The following SNX10 variants were observed in gnomAD, a reference collection of about 807,000 sequenced individuals.
The protein encoded by SNX10 is sorting nexin 10.
A neutral mutation model predicts 28.5 loss-of-function variants in SNX10; 25 were observed. The observed-to-expected ratio is 0.88, with a 90% CI of 0.64 to 1.22. SNX10 has a LOEUF of 1.22. SNX10 is among the 50% of genes most tolerant of loss of function. The probability of loss-of-function intolerance (pLI) is 0.00; values close to 1 mark genes in which losing one functional copy is unlikely to be tolerated. For missense variants in SNX10, 223 were observed against 242.6 expected (o/e 0.92, Z 0.54); for synonymous variants, 62 against 81.4 (o/e 0.76, Z 1.28).
chr7:26,320,494 C>T lies in SNX10; in HGVS notation c.-23-25926C>T, dbSNP rs1026590335. On this transcript the variant is annotated intron_variant, in intron 1 of 6. Transcript: ENST00000338523. ...TTGCCCGGGCTGGAGTGCAGTGGTG[C>T]GATCTCTGCTCACTGCAATCTCTGC... 2.0e-5 allele frequency among the ~76,000 whole-genome samples: 3 copies of T among 151,772 alleles called. No homozygotes were observed. In the East Asian group the frequency reaches 5.8e-4, roughly 29 times the overall value.
At chr7:26,339,066 C>G (rs975452845) in intron 1 of SNX10, among the ~76,000 whole-genome samples, 2 of 152,172 alleles carry the variant, frequency 1.3e-5, no homozygotes, top group Admixed American at 1.3e-4. Context: ...CAAAGGCAGA[C>G]TGGACCCCAG....
rs185762669 is a variant in SNX10 at position 26,337,807 on chromosome 7, C to T, written c.-23-8613C>T. On this transcript the variant is annotated intron_variant, in intron 1 of 6. Coordinates refer to ENST00000338523, the MANE Select transcript of SNX10 (RefSeq NM_013322.3). ...AAATAGCTCTTTGAGAGCCTGCTTT[C>T]AGCTCTTTTGGATGGATATCTGGAA... Among the ~76,000 whole-genome samples the T allele has an allele frequency of 2.2e-3, 333 of 152,322 alleles. 2 individuals are homozygous for T. Among genetic ancestry groups the T allele is most frequent in the African/African-American group, 7.8e-3 (324 of 41,566 alleles).
intron 1 of SNX10, among the ~76,000 whole-genome samples, chr7:26,336,564 G>A (rs1014890403): frequency 6.6e-6 from 1 of 152,034 alleles, no homozygotes; most frequent in African/African-American, 2.4e-5. Context: ...AAATTAGCCG[G>A]GCTTGGTGTG....
chr7:26,331,659 T>C (rs6461929), intron 1 of SNX10, among the ~76,000 whole-genome samples: 45,538 of 152,124 alleles, frequency 0.3, 8,022 homozygotes, highest in South Asian at 0.47. Context: ...TTCACAGATA[T>C]GTGCACTTAT....
At chr7:26,352,447 C>G (rs1011412848) in intron 2 of SNX10, among the ~76,000 whole-genome samples, 29 of 152,104 alleles carry the variant, frequency 1.9e-4, no homozygotes, top group African/African-American at 6.3e-4. Flanking sequence ...CAAAAAAATA[C>G]GCAAGGTAGA....
rs755285910 is a variant in SNX10 at position 26,365,026 on chromosome 7, T to C, written c.213-21T>C. The C allele has an allele frequency of 2.7e-6, 4 of 1,484,894 alleles. No homozygotes were observed. In the African/African-American group the frequency reaches 5.5e-5, roughly 21 times the overall value. The allele number at this position is 1,484,894 out of a possible 1,614,324, so 92.0% of individuals were successfully genotyped here. Reference sequence around the variant, plus strand: ...ACCTTGAGTTAATCATTTAAAAACATTGTTTTTTCTTTCTCCTAAGACAAC... The same window carrying C: ...ACCTTGAGTTAATCATTTAAAAACACTGTTTTTTCTTTCTCCTAAGACAAC... On this transcript the variant is annotated intron_variant, in intron 4 of 6. Transcript: ENST00000338523.
At position 26,364,315 on chromosome 7, in the gene SNX10, C is replaced by T; in HGVS notation, c.112-220C>T. ...GGGAGTGGCCAGGTCATACCTCACC[C>T]TGGGGCAACACTGCTTATTTCCATC... On this transcript the variant is annotated intron_variant, in intron 3 of 6. Transcript: ENST00000338523. The surrounding 1 kb of genome is among the most constrained non-coding windows in gnomAD (Gnocchi z 4.9). 8.0e-7 allele frequency: 1 copy of T among 1,251,562 alleles called. No individual in the cohort carries two copies. The highest frequency in any genetic ancestry group is 3.2e-5 in the East Asian group (1 of 31,148). 77.5% of individuals were successfully genotyped at this position (1,251,562 alleles called of 1,614,324 possible).
At chr7:26,338,110 CTT>C (rs55920968) in intron 1 of SNX10, among the ~76,000 whole-genome samples, 1,435 of 129,208 alleles carry the variant, frequency 0.011, 10 homozygotes, top group African/African-American at 0.041. Flanking sequence ...TTCCTTTGTC[CTT>C]TTTTTTTTTT....
At chr7:26,359,942 C>G (rs1187012793) in intron 2 of SNX10, among the ~76,000 whole-genome samples, 1 of 152,200 alleles carries the variant, frequency 6.6e-6, no homozygotes, top group Non-Finnish European at 1.5e-5. Context: ...AGGCGTAAGC[C>G]ACTGCGCCCG....
At chr7:26,341,930 C>CTCCCT (rs55833517) in intron 1 of SNX10, among the ~76,000 whole-genome samples, 46,207 of 146,638 alleles carry the variant, frequency 0.32, 7,921 homozygotes, top group South Asian at 0.52. Context: ...TTCTGTCCTT[C>CTCCCT]TCCCTTCCCT....
chr7:26,296,559 A>G (rs557597425), intron 1 of SNX10, among the ~76,000 whole-genome samples: 5 of 152,164 alleles, frequency 3.3e-5, no homozygotes, highest in Non-Finnish European at 7.4e-5. Flanking sequence ...AAAGCCTAAG[A>G]GGTAATGAGA....
At chr7:26,306,612 C>T (rs1786603962) in intron 1 of SNX10, among the ~76,000 whole-genome samples, 1 of 151,666 alleles carries the variant, frequency 6.6e-6, no homozygotes, top group South Asian at 2.1e-4. Flanking sequence ...GTCATGTTGC[C>T]CAGGTCTCGA....
intron 1 of SNX10, among the ~76,000 whole-genome samples, chr7:26,333,632 C>G (rs1381914082): frequency 6.6e-6 from 1 of 152,126 alleles, no homozygotes; most frequent in Non-Finnish European, 1.5e-5. Context: ...CTATTTTATT[C>G]TTTTGATGCT....
intron 1 of SNX10, among the ~76,000 whole-genome samples, chr7:26,292,468 AT>A (rs1323987321): frequency 6.6e-6 from 1 of 151,958 alleles, no homozygotes; most frequent in African/African-American, 2.4e-5. Context: ...TTATTTATTT[AT>A]TTTTTTATTC....
At position 26,364,822 on chromosome 7, in the gene SNX10, A is replaced by T. The variant is rs1346882512; in HGVS notation, c.212+187A>T. 6.6e-6 allele frequency among the ~76,000 whole-genome samples: 1 copy of T among 152,128 alleles called. No individual in the cohort carries two copies. The highest frequency in any genetic ancestry group is 1.5e-5 in the Non-Finnish European group (1 of 68,024). ...TATCACTTAAATTTCACCAACTTTG[A>T]TGGGTATAGGCCATGAAAGGCCTCA... On this transcript the variant is annotated intron_variant, in intron 4 of 6. Transcript: ENST00000338523. This position sits in a 1 kb window ranked among gnomAD's most constrained non-coding sequence, Gnocchi z 4.9.
chr7:26,297,144 T>A (rs1284304344), intron 1 of SNX10, among the ~76,000 whole-genome samples: 3 of 152,256 alleles, frequency 2.0e-5, no homozygotes, highest in Non-Finnish European at 4.4e-5. Context: ...TCGCCCAAGC[T>A]GGAGTGCAGT....
chr7:26,293,869 A>AG (rs1786014418), intron 1 of SNX10, among the ~76,000 whole-genome samples: 1 of 152,224 alleles, frequency 6.6e-6, no homozygotes, highest in South Asian at 2.1e-4. Context: ...ATTAAAAAAA[A>AG]TAAAAGTATG....
At chr7:26,372,106 G>GAT in intron 6 of SNX10, 73 bp downstream of exon 6, 3 of 939,318 alleles carry the variant, frequency 3.2e-6, no homozygotes, top group African/African-American at 1.7e-5. Context: ...CACGTGTATA[G>GAT]ATATATATAC....
In SNX10 at chr7:26,364,633, G is replaced by C; in HGVS notation, c.210G>C (p.Leu70=). ...LRQRLQSNAL[L]VQLPELPSKN... ...AGAGACTCCAAAGTAATGCGTTGCT[G>C]GTGTAAGTGATTTAGAGTATACTGT... is the stretch of plus-strand genomic sequence containing the variant. Residue 70 remains leucine (L), a splice_region_variant and synonymous_variant, in exon 4 of 7, where the codon CTG becomes CTC. Transcript: ENST00000338523. The surrounding 1 kb of genome is among the most constrained non-coding windows in gnomAD (Gnocchi z 4.9). 2 of 1,606,980 alleles carry C rather than the reference G, an allele frequency of 1.2e-6. No individual in the cohort carries two copies. Among genetic ancestry groups the C allele is most frequent in the African/African-American group, 1.3e-5 (1 of 74,830 alleles).
Sources: allele counts gnomAD v4.1 joint callset (sites outside exome capture counted in the v4.1 genomes callset), GRCh38; gene constraint gnomAD v4.1.1; non-coding constraint Gnocchi (gnomAD v3.1); transcripts MANE v1.5; gene names NCBI Gene and HGNC (gene_info 2026-07-23, HGNC 2026-07-21).